NT5C3A: variants seen among roughly 807,000 people sequenced by gnomAD.
NT5C3A encodes 5'-nucleotidase, cytosolic IIIA.
Under a neutral mutation model 40.0 loss-of-function variants are expected in NT5C3A, and 23 were observed. That is an observed-to-expected ratio of 0.58 (90% confidence interval 0.41 to 0.81). The LOEUF is 0.81. Among genes scored for constraint, NT5C3A ranks in the 40% least tolerant of loss-of-function variants. The pLI is 0.00. For missense variants in NT5C3A, 328 were observed against 403.0 expected, an observed-to-expected ratio of 0.81 and a Z score of 1.59; for synonymous variants, 130 against 141.4, an observed-to-expected ratio of 0.92 and a Z score of 0.57.
chr7:33,033,321 G>A (rs1215461933), intron 1 of NT5C3A, among the ~76,000 whole-genome samples: 1 of 152,140 alleles, frequency 6.6e-6, no homozygotes, highest in Non-Finnish European at 1.5e-5. Context: ...CCCACACATA[G>A]ATGATTCTCA....
intron 1 of NT5C3A, among the ~76,000 whole-genome samples, chr7:33,039,593 G>A (rs78927585): frequency 0.019 from 1,447 of 75,380 alleles, 24 homozygotes; most frequent in African/African-American, 0.068. Context: ...TACTGTCTTC[G>A]GGTGATTAGC....
chr7:33,037,767 G>A (rs1786687555), intron 1 of NT5C3A, among the ~76,000 whole-genome samples: 1 of 152,146 alleles, frequency 6.6e-6, no homozygotes, highest in Non-Finnish European at 1.5e-5. Flanking sequence ...TCTGCAGTAT[G>A]AGTGTGTGTA....
rs75038789 is a variant in NT5C3A at position 33,037,144 on chromosome 7, G to C, written c.139-10229C>G. Reference sequence around the variant, plus strand: ...TAATTTTTTAATATGATATGACTAAGACATGAGCTGTATTTGAATCGAGCA... The same window carrying C: ...TAATTTTTTAATATGATATGACTAACACATGAGCTGTATTTGAATCGAGCA... On this transcript the variant is annotated intron_variant, in intron 1 of 8. Transcript: ENST00000610140. Among the ~76,000 whole-genome samples the C allele has an allele frequency of 0.012, 1,894 of 152,270 alleles. 62 individuals carry two copies. In the East Asian group the frequency reaches 0.14, roughly 11 times the overall value.
intron 6 of NT5C3A, 93 bp from the exon 7 acceptor site, chr7:33,017,694 C>A: frequency 1.1e-6 from 1 of 942,208 alleles, no homozygotes; most frequent in Non-Finnish European, 1.7e-6. Context: ...CCTAGTAATT[C>A]TATGGCTCAC....
At chr7:33,020,689 T>C (rs1785575743) in intron 5 of NT5C3A, among the ~76,000 whole-genome samples, 1 of 152,212 alleles carries the variant, frequency 6.6e-6, no homozygotes, top group South Asian at 2.1e-4. Context: ...TTTCTATTCC[T>C]TGAAATGTTC....
chr7:33,052,083 G>GT (rs1173882388), intron 1 of NT5C3A, among the ~76,000 whole-genome samples: 4 of 150,954 alleles, frequency 2.6e-5, no homozygotes, highest in Non-Finnish European at 5.9e-5. Flanking sequence ...GTTTTGTTTT[G>GT]TTTTTTAATT....
intron 1 of NT5C3A, among the ~76,000 whole-genome samples, chr7:33,030,288 G>T (rs1786172970): frequency 1.3e-5 from 2 of 152,242 alleles, no homozygotes; most frequent in South Asian, 4.1e-4. Context: ...TGTTGTGGTG[G>T]TTGTTGTTGA....
chr7:33,036,179 G>T, intron 1 of NT5C3A: 1 of 593,952 alleles, frequency 1.7e-6, no homozygotes. Flanking sequence ...TCATTGGGTG[G>T]ATGCCTTGGA....
chr7:33,024,196 T>G, intron 2 of NT5C3A, 88 bp from the exon 3 acceptor site: 7 of 747,746 alleles, frequency 9.4e-6, no homozygotes, highest in Non-Finnish European at 1.7e-5. Context: ...ACTTCATGCT[T>G]TCCTAGATGC....
At chr7:33,042,180 T>C (rs1478545322) in intron 1 of NT5C3A, among the ~76,000 whole-genome samples, 1 of 151,632 alleles carries the variant, frequency 6.6e-6, no homozygotes, top group Non-Finnish European at 1.5e-5. Flanking sequence ...CTACCAAAAA[T>C]ACAAAAAATT....
intron 1 of NT5C3A, among the ~76,000 whole-genome samples, chr7:33,052,898 C>G (rs1787427820): frequency 6.6e-6 from 1 of 152,168 alleles, no homozygotes; most frequent in Non-Finnish European, 1.5e-5. Flanking sequence ...AGTTCCTGCT[C>G]AATGTTGATG....
chr7:33,029,145 C>T (rs1030978799), intron 1 of NT5C3A: 8 of 152,644 alleles, frequency 5.2e-5, no homozygotes, highest in African/African-American at 1.7e-4. Flanking sequence ...TGTAGTAATC[C>T]TTTTAACTCA....
At chr7:33,040,115 G>C (rs960257424) in intron 1 of NT5C3A, among the ~76,000 whole-genome samples, 1 of 151,976 alleles carries the variant, frequency 6.6e-6, no homozygotes, top group Non-Finnish European at 1.5e-5. Context: ...CAACAGCATA[G>C]GTGACAAGCA....
chr7:33,015,540 G>GT (rs1434377694), intron 8 of NT5C3A, 130 bp downstream of exon 8: 1 of 649,170 alleles, frequency 1.5e-6, no homozygotes, highest in Non-Finnish European at 2.7e-6. Context: ...TCTAGCCTCG[G>GT]TAACAGAGGC....
chr7:33,041,207 C>CT (rs1786897079), intron 1 of NT5C3A: 1 of 903,618 alleles, frequency 1.1e-6, no homozygotes, highest in Non-Finnish European at 1.3e-6. Flanking sequence ...TCCTTTCCAC[C>CT]TGGTTTGTCA....
chr7:33,055,835 G>A (rs1223739391), intron 1 of NT5C3A, among the ~76,000 whole-genome samples: 1 of 152,224 alleles, frequency 6.6e-6, no homozygotes, highest in South Asian at 2.1e-4. Flanking sequence ...AGACCAGCTA[G>A]TCAGGTGGCT....
chr7:33,014,502 C>CT lies in NT5C3A; in HGVS notation c.*227dup, dbSNP rs78675401. On this transcript the variant is annotated 3_prime_UTR_variant, in exon 9 of 9. Transcript: ENST00000610140. Reference sequence around the variant, plus strand: ...TAGGGAGTTATTTTTCTAATTTTAGCTTTTTTTTTTTTTTAAATGGGTTAA... The same window carrying CT: ...TAGGGAGTTATTTTTCTAATTTTAGCTTTTTTTTTTTTTTTAAATGGGTTAA... 1.2e-3 allele frequency: 551 copies of CT among 467,114 alleles called. No individual in the cohort carries two copies. The highest frequency in any genetic ancestry group is 3.9e-3 in the Middle Eastern group (7 of 1,818). 28.9% of individuals were successfully genotyped at this position (467,114 alleles called of 1,614,324 possible).
intron 7 of NT5C3A, 156 bp downstream of exon 7, chr7:33,017,283 A>G (rs1785386017): frequency 1.7e-6 from 1 of 602,796 alleles, no homozygotes; most frequent in African/African-American, 1.9e-5. Context: ...TAAAATATGG[A>G]TATATTAACA....
intron 1 of NT5C3A, among the ~76,000 whole-genome samples, chr7:33,044,747 T>C (rs1787080502): frequency 6.6e-6 from 1 of 152,146 alleles, no homozygotes; most frequent in Non-Finnish European, 1.5e-5. Flanking sequence ...AATTATTCAA[T>C]CAACTTGAAA....
Sources: allele counts gnomAD v4.1 joint callset (sites outside exome capture counted in the v4.1 genomes callset), GRCh38; gene constraint gnomAD v4.1.1; transcripts MANE v1.5; gene names NCBI Gene and HGNC (gene_info 2026-07-23, HGNC 2026-07-21).